The following ACTL6B variants were observed in gnomAD, a reference collection of about 807,000 sequenced individuals.
ACTL6B encodes actin like 6B.
A neutral mutation model predicts 63.3 loss-of-function variants in ACTL6B; 48 were observed. That is an observed-to-expected ratio of 0.76 (90% CI 0.60 to 0.96). ACTL6B has a LOEUF of 0.96. Ranked by LOEUF, ACTL6B falls within the 50% of genes least tolerant of loss-of-function variation. The probability of loss-of-function intolerance (pLI) is 0.00; values close to 1 mark genes in which losing one functional copy is unlikely to be tolerated. For synonymous variants in ACTL6B, 230 were observed against 223.8 expected, an observed-to-expected ratio of 1.03 and a Z score of -0.25; for missense variants, 350 against 572.2, an observed-to-expected ratio of 0.61 and a Z score of 3.96.
At chr7:100,654,121 C>T (rs979717411) in intron 4 of ACTL6B, among the ~76,000 whole-genome samples, 11 of 151,780 alleles carry the variant, frequency 7.2e-5, no homozygotes, top group Admixed American at 2.0e-4. Flanking sequence ...TACAGGTGCC[C>T]GCCACCATGC....
rs770496949 is a variant in ACTL6B, at chr7:100,648,769, G to A, written c.522C>T (p.Thr174=). The change falls in exon 6 of 14, where the codon ACC becomes ACT. Residue 174 remains threonine (T), a synonymous_variant. Transcript: ENST00000160382. The surrounding 1 kb of genome is among the most constrained non-coding windows in gnomAD (Gnocchi z 4.4). ...GLVLDSGATH[T]TAIPVHDGYV... Reference sequence around the variant, plus strand: ...AGCCGTCATGTACTGGAATGGCCGTGGTGTGGGTGGCTCCACTGTCCAGCA... The same window carrying A: ...AGCCGTCATGTACTGGAATGGCCGTAGTGTGGGTGGCTCCACTGTCCAGCA... 2 of 1,614,086 alleles carry A rather than the reference G, an allele frequency of 1.2e-6. No individual in the cohort carries two copies. The highest frequency in any genetic ancestry group is 3.3e-5 in the Admixed American group (2 of 60,004).
chr7:100,646,623 G>A lies in ACTL6B; in HGVS notation c.1041C>T (p.Val347=), dbSNP rs1423194642. Residue 347 remains valine (V), a synonymous_variant, in exon 12 of 14, where the codon GTC becomes GTT. Transcript: ENST00000160382. The surrounding 1 kb of genome is among the most constrained non-coding windows in gnomAD (Gnocchi z 6.1). ...IRPGLYGSVI[V]TGGNTLLQGF... ...CCTGCAGCAGTGTGTTCCCGCCGGT[G>A]ACAATGACACTCCCGTACAGGCCCT... 4 of 1,614,002 alleles carry A rather than the reference G, an allele frequency of 2.5e-6. No individual in the cohort carries two copies. Among genetic ancestry groups the A allele is most frequent in the African/African-American group, 2.7e-5 (2 of 74,910 alleles).
Position 100,648,548 on chromosome 7 carries a change from G to A in ACTL6B, c.669+8C>T, listed in dbSNP as rs1382932528. ...CTAGTGGCAGCTCCATGTCCCCAGA[G>A]GCCCCACCTTGGCTGCGATCATGTA... On this transcript the variant is annotated splice_region_variant and intron_variant, in intron 7 of 13. Transcript: ENST00000160382. This position sits in a 1 kb window ranked among gnomAD's most constrained non-coding sequence, Gnocchi z 4.4. 3 of 1,589,330 alleles carry A rather than the reference G, an allele frequency of 1.9e-6. No homozygotes were observed. In the Admixed American group the frequency reaches 5.2e-5, roughly 28 times the overall value.
At chr7:100,644,409 C>T (rs1803781753) in intron 13 of ACTL6B, among the ~76,000 whole-genome samples, 1 of 152,142 alleles carries the variant, frequency 6.6e-6, no homozygotes, top group Admixed American at 6.5e-5. Context: ...CTCACCAGCC[C>T]TGGTCCAAAT....
chr7:100,647,039 A>G lies in ACTL6B; in HGVS notation c.868T>C (p.Tyr290His), dbSNP rs952119215. The G allele has an allele frequency of 6.2e-7, 1 of 1,613,924 alleles. No individual in the cohort carries two copies. The highest frequency in any genetic ancestry group is 1.3e-5 in the African/African-American group (1 of 74,888). ...CGCTCGGCGCCGTAGTCTGTATTGT[A>G]GCCATTGGGCATCTCGTAGTGCACT... ...PTVHYEMPNG[Y>H]NTDYGAERLR... is the part of the protein sequence containing the mutation. The change falls in exon 10 of 14, where the codon TAC becomes CAC. Residue 290 changes from tyrosine to histidine, a missense_variant. Tyr to His is a moderately conservative substitution (Grantham distance 83, BLOSUM62 2). This residue lies in a region of ACTL6B where 24 missense variants were observed against 81.4 expected (regional missense o/e 0.29). Coordinates refer to ENST00000160382, the MANE Select transcript of ACTL6B (RefSeq NM_016188.5). The surrounding 1 kb of genome is among the most constrained non-coding windows in gnomAD (Gnocchi z 4.4).
intron 4 of ACTL6B, among the ~76,000 whole-genome samples, chr7:100,654,268 G>A (rs1344390848): frequency 3.3e-5 from 5 of 150,504 alleles, no homozygotes; most frequent in Admixed American, 1.3e-4. Flanking sequence ...CACCACACCC[G>A]GCAAAAAATT....
chr7:100,647,475 A>C lies in ACTL6B; in HGVS notation c.728T>G (p.Val243Gly), dbSNP rs1356533078. 11 of 1,611,818 alleles carry C rather than the reference A, an allele frequency of 6.8e-6. No individual in the cohort carries two copies. The Admixed American group carries it at 1.8e-4, about 27-fold the overall frequency. Reference protein sequence around the residue: ...NWKKKEKLPQVSKSWHNYMCN... With the variant: ...NWKKKEKLPQGSKSWHNYMCN... ...CATGTAGTTATGCCAGGACTTGGAG[A>C]CCTGGGGTAGCTTCTCCTTCTTCTT... Residue 243 changes from valine to glycine, a missense_variant, in exon 8 of 14, where the codon GTC (valine) becomes GGC (glycine). Physicochemically the swap from Val to Gly is moderately radical, Grantham distance 109 (BLOSUM62 -3). Transcript: ENST00000160382. This position sits in a 1 kb window ranked among gnomAD's most constrained non-coding sequence, Gnocchi z 4.4.
At chr7:100,651,355 A>C (rs1371226238) in intron 4 of ACTL6B, among the ~76,000 whole-genome samples, 1 of 152,048 alleles carries the variant, frequency 6.6e-6, no homozygotes, top group African/African-American at 2.4e-5. Context: ...GTTTGAGACC[A>C]GCCTGGCCAA....
Position 100,647,619 on chromosome 7 carries a change from C to T in ACTL6B, c.670-86G>A. ...CCTGGCACTGTTCCCAGCTCTGCAG[C>T]TACCTGGCGCTGCAGGCTCTGCTGT... On this transcript the variant is annotated intron_variant, in intron 7 of 13. Coordinates refer to ENST00000160382, the MANE Select transcript of ACTL6B (RefSeq NM_016188.5). This position sits in a 1 kb window ranked among gnomAD's most constrained non-coding sequence, Gnocchi z 4.4. The T allele has an allele frequency of 9.9e-7, 1 of 1,008,146 alleles. No homozygotes were observed. Among genetic ancestry groups the T allele is most frequent in the African/African-American group, 1.6e-5 (1 of 61,848 alleles). The allele number at this position is 1,008,146 out of a possible 1,614,324, so 62.5% of individuals were successfully genotyped here. A position where few individuals can be genotyped will look rare whatever the true frequency, so the allele number is the denominator to read the frequency against.
rs1409426184 is a variant in ACTL6B at position 100,646,357 on chromosome 7, G to T, written c.1114-22C>A. On this transcript the variant is annotated intron_variant, in intron 12 of 13. Coordinates refer to ENST00000160382, the MANE Select transcript of ACTL6B (RefSeq NM_016188.5). The surrounding 1 kb of genome is among the most constrained non-coding windows in gnomAD (Gnocchi z 6.1). Reference sequence around the variant, plus strand: ...TGCTCTGGGGGTAAAAAGGGGCTGGGGGAAGCAGACACCTAGGTTCTGGGA... The same window carrying T: ...TGCTCTGGGGGTAAAAAGGGGCTGGTGGAAGCAGACACCTAGGTTCTGGGA... 2 of 1,611,758 alleles carry T rather than the reference G, an allele frequency of 1.2e-6. No individual in the cohort carries two copies. Among genetic ancestry groups the T allele is most frequent in the African/African-American group, 2.7e-5 (2 of 74,860 alleles).
rs1334728308 is a variant in ACTL6B, at chr7:100,655,134, G to A, written c.269-15C>T. The A allele has an allele frequency of 1.1e-5, 17 of 1,604,412 alleles. No homozygotes were observed. The highest frequency in any genetic ancestry group is 1.5e-5 in the Non-Finnish European group (17 of 1,171,660). On this transcript the variant is annotated splice_polypyrimidine_tract_variant and intron_variant, in intron 3 of 13. Coordinates refer to ENST00000160382, the MANE Select transcript of ACTL6B (RefSeq NM_016188.5). This position sits in a 1 kb window ranked among gnomAD's most constrained non-coding sequence, Gnocchi z 4.4. ...CCAGTCCTCGACTGGGGCCAGAAGA[G>A]CAGCGTGCAGAGACGCAAGAAGGCA...
Position 100,643,322 on chromosome 7 carries a change from G to T in ACTL6B, c.1205C>A (p.Thr402Asn), listed in dbSNP as rs1187885600. 7 of 1,613,548 alleles carry T rather than the reference G, an allele frequency of 4.3e-6. 1 individual carries two copies. The Admixed American group carries it at 8.3e-5, about 19-fold the overall frequency. Residue 402 changes from threonine (T) to asparagine (N), a missense_variant, in exon 14 of 14, where the codon ACT (threonine) becomes AAT (asparagine). Transcript: ENST00000160382. ...IGGSILASLG[T>N]FQQMWISKQE... ...CTTGGAGATCCACATCTGCTGGAAA[G>T]TGCCCTGGGTGGAGGGGGTAATATC... is the stretch of plus-strand genomic sequence containing the variant.
intron 4 of ACTL6B, among the ~76,000 whole-genome samples, chr7:100,654,706 C>G (rs1194514702): frequency 1.3e-5 from 2 of 151,086 alleles, no homozygotes; most frequent in South Asian, 2.1e-4. Context: ...CCTTTGATGT[C>G]GGGAGGCAGA....
chr7:100,647,450 C>T lies in ACTL6B; in HGVS notation c.753G>A (p.Met251Ile). 1.9e-6 allele frequency: 3 copies of T among 1,612,786 alleles called. No homozygotes were observed. Among genetic ancestry groups the T allele is most frequent in the Non-Finnish European group, 2.5e-6 (3 of 1,179,366 alleles). The change falls in exon 8 of 14, where the codon ATG becomes ATA. Residue 251 changes from methionine (M) to isoleucine (I), a missense_variant. Met to Ile is a conservative substitution (Grantham distance 10). This residue lies in a region of ACTL6B where 250 missense variants were observed against 364.7 expected (regional missense o/e 0.69). Coordinates refer to ENST00000160382, the MANE Select transcript of ACTL6B (RefSeq NM_016188.5). The surrounding 1 kb of genome is among the most constrained non-coding windows in gnomAD (Gnocchi z 4.4). ...GCCCTCTCCAGAGGCTCACATTACACATGTAGTTATGCCAGGACTTGGAGA... is the reference window on the plus strand; with the variant it reads ...GCCCTCTCCAGAGGCTCACATTACATATGTAGTTATGCCAGGACTTGGAGA... ...PQVSKSWHNY[M>I]CNEVIQDFQA...
chr7:100,652,454 G>A (rs1476715078), intron 4 of ACTL6B, among the ~76,000 whole-genome samples: 25 of 149,048 alleles, frequency 1.7e-4, no homozygotes, highest in South Asian at 4.3e-4. Flanking sequence ...AAAATTAGTC[G>A]GATGTGGTGG....
chr7:100,646,233 G>T lies in ACTL6B; in HGVS notation c.1200+16C>A. The T allele has an allele frequency of 6.2e-7, 1 of 1,611,680 alleles. No homozygotes were observed. The highest frequency in any genetic ancestry group is 8.5e-7 in the Non-Finnish European group (1 of 1,178,256). On this transcript the variant is annotated intron_variant, in intron 13 of 13. Coordinates refer to ENST00000160382, the MANE Select transcript of ACTL6B (RefSeq NM_016188.5). This position sits in a 1 kb window ranked among gnomAD's most constrained non-coding sequence, Gnocchi z 6.1. ...TCCCCCACAGTCAGTGCTAGGCCAG[G>T]TCCCTTTCCTCTCACCAGTGAGGCC...
chr7:100,649,311 T>C (rs1350546465), intron 5 of ACTL6B, among the ~76,000 whole-genome samples: 2 of 149,470 alleles, frequency 1.3e-5, no homozygotes, highest in Non-Finnish European at 3.0e-5. Context: ...ACTTCTTTAG[T>C]TATTTTTTTT....
In ACTL6B at chr7:100,646,470, T is replaced by C; in HGVS notation, c.1113+81A>G. The C allele has an allele frequency of 6.4e-7, 1 of 1,554,122 alleles. No individual in the cohort carries two copies. Among genetic ancestry groups the C allele is most frequent in the Non-Finnish European group, 8.9e-7 (1 of 1,127,186 alleles). On this transcript the variant is annotated intron_variant, in intron 12 of 13. Transcript: ENST00000160382. This position sits in a 1 kb window ranked among gnomAD's most constrained non-coding sequence, Gnocchi z 6.1. ...GGTGGCCAGAACAGAAGGAAGGACA[T>C]GGGAAGGATGAAGGGACTCAGTCCT...
Position 100,656,371 on chromosome 7 carries a change from C to G in ACTL6B, c.-17G>C. On this transcript the variant is annotated 5_prime_UTR_variant, in exon 1 of 14. Transcript: ENST00000160382. The stretch of plus-strand genomic sequence containing the variant: ...CCCGCTCATAGTGCCCGCTGCGCTG[C>G]TAGCGGCCCGTGGGCGGTGGCGGGA... The G allele has an allele frequency of 7.5e-7, 1 of 1,334,174 alleles. No individual in the cohort carries two copies. The highest frequency in any genetic ancestry group is 1.5e-5 in the African/African-American group (1 of 65,700). The allele number at this position is 1,334,174 out of a possible 1,614,324, so 82.6% of individuals were successfully genotyped here.
Sources: allele counts gnomAD v4.1 joint callset (sites outside exome capture counted in the v4.1 genomes callset), GRCh38; gene constraint gnomAD v4.1.1; regional missense constraint gnomAD v4.1.1; non-coding constraint Gnocchi (gnomAD v3.1); transcripts MANE v1.5; gene names NCBI Gene and HGNC (gene_info 2026-07-23, HGNC 2026-07-21).